The following ASIC2 variants were observed in gnomAD, a reference collection of about 807,000 sequenced individuals.
The protein encoded by ASIC2 is acid sensing ion channel subunit 2.
Under a neutral mutation model 57.3 loss-of-function variants are expected in ASIC2, and 25 were observed. The ratio of observed to expected loss-of-function variants is 0.44; its 90% CI spans 0.32 to 0.61. The LOEUF (loss-of-function observed/expected upper bound fraction) is 0.61, where lower values mean the gene tolerates loss of function less well. ASIC2 is among the 20% of genes least tolerant of loss of function. The probability of loss-of-function intolerance (pLI) is 0.06; values close to 1 mark genes in which losing one functional copy is unlikely to be tolerated. For missense variants in ASIC2, 641 were observed against 738.1 expected (o/e 0.87, Z 1.52); for synonymous variants, 319 against 307.5 (o/e 1.04, Z -0.39).
intron 1 of ASIC2, among the ~76,000 whole-genome samples, chr17:34,112,853 A>T (rs777600782): frequency 6.6e-6 from 1 of 152,148 alleles, no homozygotes; most frequent in Non-Finnish European, 1.5e-5. Flanking sequence ...ACTCAATAGG[A>T]TGAGACCTAT....
chr17:34,011,734 T>C (rs1400052380), intron 1 of ASIC2, among the ~76,000 whole-genome samples: 1 of 152,174 alleles, frequency 6.6e-6, no homozygotes. Context: ...TGCACTCCTT[T>C]TAGTCCTCAT....
chr17:33,579,722 A>C (rs62057815), intron 1 of ASIC2, among the ~76,000 whole-genome samples: 1 of 152,096 alleles, frequency 6.6e-6, no homozygotes, highest in Admixed American at 6.5e-5. Flanking sequence ...ACAACTGTTA[A>C]AAGTAGTGCG....
intron 1 of ASIC2, among the ~76,000 whole-genome samples, chr17:33,375,046 C>T (rs569152976): frequency 5.3e-5 from 8 of 152,240 alleles, no homozygotes; most frequent in African/African-American, 1.9e-4. Context: ...TTTTAAAATG[C>T]TCCTTAGGTA....
In ASIC2 at chr17:34,025,083, C is replaced by T. The variant is rs111681458; in HGVS notation, c.555+130895G>A. On this transcript the variant is annotated intron_variant, in intron 1 of 9. Coordinates refer to the ASIC2 transcript ENST00000359872. Reference sequence around the variant, plus strand: ...CTGTGATCACATAAAGGAAGCAACACTGCTCAGGGGAAATCTCCTGATCAC... The same window carrying T: ...CTGTGATCACATAAAGGAAGCAACATTGCTCAGGGGAAATCTCCTGATCAC... Among the ~76,000 whole-genome samples, 499 of 152,328 alleles carry T rather than the reference C, an allele frequency of 3.3e-3. 1 individual carries two copies. The highest frequency in any genetic ancestry group is 5.3e-3 in the Non-Finnish European group (364 of 68,040).
At chr17:33,898,220 C>CTTTTTTT (rs771624171) in intron 1 of ASIC2, among the ~76,000 whole-genome samples, 712 of 66,164 alleles carry the variant, frequency 0.011, 188 homozygotes, top group Non-Finnish European at 0.014. Flanking sequence ...CATGTATAAT[C>CTTTTTTT]TTTTTTTTTT....
chr17:33,708,167 T>C (rs1908918290), intron 1 of ASIC2, among the ~76,000 whole-genome samples: 1 of 152,226 alleles, frequency 6.6e-6, no homozygotes, highest in African/African-American at 2.4e-5. Flanking sequence ...CAACCAATTC[T>C]TTACTTTTAA....
chr17:33,464,552 TTCTTTCTTTCTTTTCTC>T (rs1912785525), intron 1 of ASIC2, among the ~76,000 whole-genome samples: 1 of 117,788 alleles, frequency 8.5e-6, no homozygotes. Flanking sequence ...CTTTCTTTCT[TTCTTTCTTTCTTTTCTC>T]TCTTTCTCTC....
At chr17:33,735,757 GTGAATCAATTCTAATGA>G (rs954581844) in intron 1 of ASIC2, among the ~76,000 whole-genome samples, 15 of 152,248 alleles carry the variant, frequency 9.9e-5, no homozygotes, top group Admixed American at 7.8e-4. Context: ...GCTCCAGGGT[GTGAATCAATTCTAATGA>G]TTAGAAGGGT....
At chr17:33,844,621 C>T (rs1403314512) in intron 1 of ASIC2, among the ~76,000 whole-genome samples, 1 of 152,160 alleles carries the variant, frequency 6.6e-6, no homozygotes, top group Non-Finnish European at 1.5e-5. Context: ...TGGAGAGTAA[C>T]CGGTCTTCAA....
chr17:33,309,285 C>G (rs1906309056), intron 1 of ASIC2, among the ~76,000 whole-genome samples: 2 of 152,046 alleles, frequency 1.3e-5, no homozygotes, highest in Non-Finnish European at 2.9e-5. Flanking sequence ...TCATATACCC[C>G]ATTAAAATGA....
At chr17:33,696,552 G>A (rs888982895) in intron 1 of ASIC2, among the ~76,000 whole-genome samples, 2 of 152,176 alleles carry the variant, frequency 1.3e-5, no homozygotes, top group Admixed American at 6.5e-5. Flanking sequence ...TGACATGAAC[G>A]AAGAAGGCCC....
At chr17:33,413,443 C>G (rs190211149) in intron 1 of ASIC2, among the ~76,000 whole-genome samples, 64 of 152,334 alleles carry the variant, frequency 4.2e-4, no homozygotes, top group African/African-American at 1.4e-3. Flanking sequence ...TACCTCCTAA[C>G]TATCTCTCCA....
chr17:33,579,564 C>T (rs1220606554), intron 1 of ASIC2, among the ~76,000 whole-genome samples: 1 of 152,168 alleles, frequency 6.6e-6, no homozygotes, highest in African/African-American at 2.4e-5. Context: ...AGGGCAGACC[C>T]TACTGGTGAG....
intron 1 of ASIC2, among the ~76,000 whole-genome samples, chr17:33,710,526 G>A (rs1482610571): frequency 6.6e-6 from 1 of 152,200 alleles, no homozygotes; most frequent in Admixed American, 6.5e-5. Context: ...TGAGGTCATG[G>A]GAGGCTTCCC....
intron 1 of ASIC2, among the ~76,000 whole-genome samples, chr17:33,314,908 G>A (rs1370383435): frequency 1.3e-5 from 2 of 152,144 alleles, no homozygotes; most frequent in African/African-American, 4.8e-5. Context: ...TGGCAATGTA[G>A]GGAGGTAGGG....
intron 1 of ASIC2, among the ~76,000 whole-genome samples, chr17:33,208,909 A>T (rs1211898177): frequency 6.6e-6 from 1 of 152,180 alleles, no homozygotes; most frequent in Non-Finnish European, 1.5e-5. Flanking sequence ...GACTTGATTC[A>T]TAGTGTACTT....
chr17:33,191,072 C>T (rs552067710), intron 1 of ASIC2, among the ~76,000 whole-genome samples: 30 of 152,204 alleles, frequency 2.0e-4, no homozygotes, highest in African/African-American at 6.7e-4. Context: ...TGGAAACAAC[C>T]CATGTTTCCA....
intron 1 of ASIC2, among the ~76,000 whole-genome samples, chr17:33,632,328 C>A (rs117838887): frequency 6.6e-6 from 1 of 152,072 alleles, no homozygotes; most frequent in Non-Finnish European, 1.5e-5. Context: ...ATAATAATAA[C>A]GCTTAAGATT....
chr17:33,589,402 G>A (rs1904755192), intron 1 of ASIC2, among the ~76,000 whole-genome samples: 2 of 152,144 alleles, frequency 1.3e-5, no homozygotes, highest in African/African-American at 4.8e-5. Flanking sequence ...ATTCTTATGT[G>A]TATCATTCAG....
Sources: gnomAD v4.1 joint callset for allele counts (sites outside exome capture counted in the v4.1 genomes callset) on GRCh38, gnomAD v4.1.1 for gene constraint, MANE v1.5 for transcripts, NCBI Gene and HGNC (gene_info 2026-07-23, HGNC 2026-07-21) for gene names.